Variants in MID1 observed in about 807,000 individuals in gnomAD.
MID1 encodes the protein E3 ubiquitin-protein ligase Midline-1.
Under a neutral mutation model 40.4 loss-of-function variants are expected in MID1, and 7 were observed. The ratio of observed to expected loss-of-function variants is 0.17; its 90% confidence interval spans 0.10 to 0.33. The LOEUF (loss-of-function observed/expected upper bound fraction) is 0.33, where lower values mean the gene tolerates loss of function less well. Among genes scored for constraint, MID1 ranks in the 10% least tolerant of loss-of-function variants. MID1 has a pLI of 1.00. For synonymous variants in MID1, 229 were observed against 221.2 expected (o/e 1.04, Z -0.31); for missense variants, 367 against 558.5 (o/e 0.66, Z 3.46).
rs193142799 is a variant in MID1 at position 10,566,745 on chromosome X, T to C, written c.660+143A>G. The C allele has an allele frequency of 2.4e-4, 150 of 616,976 alleles. No individual in the cohort carries two copies. The East Asian group carries it at 3.7e-3, about 15-fold the overall frequency. The allele number at this position is 616,976 out of a possible 1,213,427, so 50.8% of individuals were successfully genotyped here. Reference sequence around the variant, plus strand: ...ACCCTTATTGTGTAACATTTATAGGTTGCCAAAAACATGCTAAAACTAATC... The same window carrying C: ...ACCCTTATTGTGTAACATTTATAGGCTGCCAAAAACATGCTAAAACTAATC... On this transcript the variant is annotated intron_variant, in intron 2 of 9. Transcript: ENST00000317552.
chrX:10,817,422 C>G (rs1327357260), intron 1 of MID1, among the ~76,000 whole-genome samples: 1 of 111,200 alleles, frequency 9.0e-6, no homozygotes, highest in African/African-American at 3.3e-5. Flanking sequence ...TAGACTTCAG[C>G]AATGAAGTAG....
chrX:10,474,032 A>G (rs751368054), intron 6 of MID1, among the ~76,000 whole-genome samples: 1 of 112,088 alleles, frequency 8.9e-6, no homozygotes, highest in East Asian at 2.8e-4. Flanking sequence ...CCATGGTGAC[A>G]TTTGCCAAGA....
At chrX:10,806,820 C>G (rs144399215) in intron 1 of MID1, among the ~76,000 whole-genome samples, 3,620 of 111,914 alleles carry the variant, frequency 0.032, 161 homozygotes, top group African/African-American at 0.11. Context: ...TTCCTTTCAA[C>G]TAATTGAATG....
At chrX:10,476,615 G>A (rs1186081750) in intron 5 of MID1, among the ~76,000 whole-genome samples, 1 of 111,557 alleles carries the variant, frequency 9.0e-6, no homozygotes, top group Non-Finnish European at 1.9e-5. Context: ...GGGAAGGAGA[G>A]AGCCTAATCA....
chrX:10,723,250 C>A (rs1457976315), intron 1 of MID1, among the ~76,000 whole-genome samples: 1 of 111,931 alleles, frequency 8.9e-6, no homozygotes, highest in African/African-American at 3.2e-5. Context: ...CTGGACAAGA[C>A]CACATTTCCA....
At chrX:10,697,219 C>T (rs2043167986) in intron 1 of MID1, among the ~76,000 whole-genome samples, 1 of 111,612 alleles carries the variant, frequency 9.0e-6, no homozygotes, top group African/African-American at 3.3e-5. Context: ...CGCAGGGCTA[C>T]TCTCAGTGGG....
At chrX:10,733,365 A>G (rs1457385205) in intron 1 of MID1, among the ~76,000 whole-genome samples, 1 of 112,253 alleles carries the variant, frequency 8.9e-6, no homozygotes, top group Non-Finnish European at 1.9e-5. Context: ...TCTAGAAAAA[A>G]TCAGAGGCAA....
intron 3 of MID1, among the ~76,000 whole-genome samples, chrX:10,515,229 T>A (rs1932342914): frequency 8.9e-6 from 1 of 112,536 alleles, no homozygotes; most frequent in Non-Finnish European, 1.9e-5. Context: ...TTTCAAAGTT[T>A]ACAAATGAAT....
chrX:10,532,187 A>C (rs1013485508), intron 2 of MID1, among the ~76,000 whole-genome samples: 2 of 111,710 alleles, frequency 1.8e-5, no homozygotes, highest in African/African-American at 6.5e-5. Context: ...GGGCTGCCAT[A>C]GCAATATCAA....
At chrX:10,506,067 C>A in intron 3 of MID1, 1 of 786,209 alleles carries the variant, frequency 1.3e-6, no homozygotes, top group African/African-American at 2.2e-5. Context: ...TCATGACGCA[C>A]CCACAAGTGA....
chrX:10,469,639 G>A, intron 7 of MID1, 58 bp downstream of exon 7: 2 of 1,209,612 alleles, frequency 1.7e-6, no homozygotes, highest in African/African-American at 3.5e-5. Flanking sequence ...ATTCAGGAAT[G>A]CAATCAATCT....
chrX:10,631,789 C>T (rs1385211326), intron 1 of MID1, among the ~76,000 whole-genome samples: 1 of 111,762 alleles, frequency 8.9e-6, no homozygotes, highest in African/African-American at 3.3e-5. Context: ...TAAAAATGCC[C>T]AAGGCACAGG....
chrX:10,590,248 G>A (rs888840348), intron 1 of MID1, among the ~76,000 whole-genome samples: 4 of 111,836 alleles, frequency 3.6e-5, no homozygotes, highest in African/African-American at 9.8e-5. Flanking sequence ...GTTCTTAGGC[G>A]CCGGGCTACC....
intron 3 of MID1, 36 bp downstream of exon 3, chrX:10,523,056 A>G (rs1268526525): frequency 2.0e-6 from 2 of 994,966 alleles, no homozygotes; most frequent in African/African-American, 3.8e-5. Context: ...CAGTTTTCAT[A>G]TGAAACATAC....
intron 2 of MID1, among the ~76,000 whole-genome samples, chrX:10,549,803 A>C (rs1460718548): frequency 8.9e-6 from 1 of 112,918 alleles, no homozygotes; most frequent in Non-Finnish European, 1.9e-5. Flanking sequence ...AGCCAGGTTG[A>C]GAACCACTGG....
chrX:10,524,438 A>C (rs1932790986), intron 2 of MID1, among the ~76,000 whole-genome samples: 1 of 112,283 alleles, frequency 8.9e-6, no homozygotes, highest in Admixed American at 9.4e-5. Context: ...ATAATGTTTT[A>C]AGAAAGTTTA....
At chrX:10,548,499 G>A (rs1036378078) in intron 2 of MID1, among the ~76,000 whole-genome samples, 1 of 111,955 alleles carries the variant, frequency 8.9e-6, no homozygotes, top group African/African-American at 3.2e-5. Context: ...TGTTTTTTCA[G>A]GACATGAAGC....
At position 10,601,989 on chromosome X, in the gene MID1, C is replaced by T. The variant is rs60782893; in HGVS notation, c.-57+18301G>A. Among the ~76,000 whole-genome samples the T allele has an allele frequency of 7.2e-3, 773 of 107,859 alleles. 10 individuals carry two copies. The highest frequency in any genetic ancestry group is 0.025 in the African/African-American group (734 of 29,508). 93.7% of individuals were successfully genotyped at this position (107,859 alleles called of 115,157 possible). A position where few individuals can be genotyped will look rare whatever the true frequency, so the allele number is the denominator to read the frequency against. On this transcript the variant is annotated intron_variant, in intron 1 of 9. Coordinates refer to ENST00000317552, the MANE Select transcript of MID1 (RefSeq NM_000381.4). ...TCGACTCACTGCAAGCTCCGCCTCC[C>T]GGGTTCACGCCCATTCTCCTGCCTC... is the stretch of plus-strand genomic sequence containing the variant.
chrX:10,831,049 G>A (rs1307476995), intron 1 of MID1, among the ~76,000 whole-genome samples: 1 of 111,535 alleles, frequency 9.0e-6, no homozygotes, highest in Non-Finnish European at 1.9e-5. Context: ...CATATATGGA[G>A]GTAAACTGAT....
Sources: allele counts gnomAD v4.1 joint callset (sites outside exome capture counted in the v4.1 genomes callset), GRCh38; gene constraint gnomAD v4.1.1; transcripts MANE v1.5; gene names NCBI Gene and HGNC (gene_info 2026-07-23, HGNC 2026-07-21).